Variants in LRP5 observed in about 807,000 individuals in gnomAD.
LRP5 encodes the protein low-density lipoprotein receptor-related protein 5.
A neutral mutation model predicts 154.1 loss-of-function variants in LRP5; 62 were observed. The observed-to-expected ratio is 0.40, with a 90% CI of 0.33 to 0.50. LRP5 has a LOEUF of 0.50. LRP5 is among the 20% of genes least tolerant of loss of function. LRP5 has a pLI of 0.55. For missense variants in LRP5, 1,915 were observed against 2,336.7 expected, an observed-to-expected ratio of 0.82 and a Z score of 3.72; for synonymous variants, 966 against 1,011.5, an observed-to-expected ratio of 0.96 and a Z score of 0.85.
At chr11:68,337,471 A>G (rs2098606341) in intron 1 of LRP5, among the ~76,000 whole-genome samples, 2 of 152,192 alleles carry the variant, frequency 1.3e-5, no homozygotes, top group Non-Finnish European at 1.5e-5. Context: ...TCTGGGGATC[A>G]GGCCTGGGCA....
At chr11:68,398,910 T>A (rs1197060280) in intron 7 of LRP5, among the ~76,000 whole-genome samples, 5 of 152,120 alleles carry the variant, frequency 3.3e-5, no homozygotes, top group Non-Finnish European at 7.3e-5. Context: ...AATTTTTTTT[T>A]AATTTTAGTA....
chr11:68,414,076 A>T, intron 12 of LRP5, 64 bp downstream of exon 12: 2 of 1,478,632 alleles, frequency 1.4e-6, no homozygotes, highest in South Asian at 1.2e-5. Flanking sequence ...CTGGGAGCTG[A>T]CGCTGAAAGG....
chr11:68,428,099 T>C (rs1009863000), intron 16 of LRP5, among the ~76,000 whole-genome samples: 5 of 151,734 alleles, frequency 3.3e-5, no homozygotes, highest in Admixed American at 1.3e-4. Flanking sequence ...TTCAAGTGAT[T>C]CTCCTACCTC....
At chr11:68,313,738 C>T (rs990457863) in intron 1 of LRP5, among the ~76,000 whole-genome samples, 1 of 152,260 alleles carries the variant, frequency 6.6e-6, no homozygotes, top group Non-Finnish European at 1.5e-5. Flanking sequence ...AGTGGCACGG[C>T]CGCAAGTGCC....
At chr11:68,375,026 A>C (rs1454632797) in intron 5 of LRP5, among the ~76,000 whole-genome samples, 1 of 152,188 alleles carries the variant, frequency 6.6e-6, no homozygotes, top group Admixed American at 6.5e-5. Context: ...TGCGGACCCC[A>C]GACCAGCTCC....
At chr11:68,322,358 C>T (rs2098597226) in intron 1 of LRP5, among the ~76,000 whole-genome samples, 2 of 152,252 alleles carry the variant, frequency 1.3e-5, no homozygotes, top group Admixed American at 1.3e-4. Context: ...GGTCTCCTTG[C>T]TTTCTGGAAC....
chr11:68,375,201 G>A (rs576485415), intron 5 of LRP5, among the ~76,000 whole-genome samples: 7 of 152,218 alleles, frequency 4.6e-5, no homozygotes, highest in South Asian at 4.2e-4. Flanking sequence ...TTCACTGACC[G>A]TGCCCTGTGC....
chr11:68,419,925 C>T (rs1460089470), intron 13 of LRP5, among the ~76,000 whole-genome samples: 1 of 151,984 alleles, frequency 6.6e-6, no homozygotes, highest in Non-Finnish European at 1.5e-5. Flanking sequence ...CAGCCTCCGC[C>T]TCCCAGGCTC....
rs1189936238 is a variant in LRP5 at position 68,437,600 on chromosome 11, T to TG, written c.4111+603dup. Among the ~76,000 whole-genome samples the TG allele has an allele frequency of 2.0e-5, 3 of 152,356 alleles. 1 individual carries two copies. The highest frequency in any genetic ancestry group is 4.4e-5 in the Non-Finnish European group (3 of 68,026). Reference sequence around the variant, plus strand: ...CAATGAGTCATTGTGTCTGGGGACATGGCCACTCCTTCGCTGCAGAGGGAC... The same window carrying TG: ...CAATGAGTCATTGTGTCTGGGGACATGGGCCACTCCTTCGCTGCAGAGGGAC... On this transcript the variant is annotated intron_variant, in intron 19 of 22. Transcript: ENST00000294304.
Position 68,365,555 on chromosome 11 carries a change from G to A in LRP5, c.884-16G>A. On this transcript the variant is annotated splice_polypyrimidine_tract_variant and intron_variant, in intron 4 of 22. Transcript: ENST00000294304. ...CTCTTCTGGAACCTTCTCTCACTCT[G>A]TCCTGGTTTTCTCAGTCCACACTCG... is the stretch of plus-strand genomic sequence containing the variant. 1 of 1,613,810 alleles carries A rather than the reference G, an allele frequency of 6.2e-7. No individual in the cohort carries two copies. Among genetic ancestry groups the A allele is most frequent in the Admixed American group, 1.7e-5 (1 of 60,010 alleles).
chr11:68,345,104 C>T (rs949745204), intron 1 of LRP5, among the ~76,000 whole-genome samples: 4 of 151,640 alleles, frequency 2.6e-5, no homozygotes, highest in African/African-American at 9.7e-5. Context: ...TTCAGGTGAT[C>T]CACCCGCCTC....
chr11:68,372,760 T>C (rs1440399164), intron 5 of LRP5, among the ~76,000 whole-genome samples: 1 of 151,854 alleles, frequency 6.6e-6, no homozygotes, highest in Non-Finnish European at 1.5e-5. Flanking sequence ...CTTCCAAGGC[T>C]GGGTGCTGCC....
chr11:68,314,667 C>T (rs1489786766), intron 1 of LRP5, among the ~76,000 whole-genome samples: 4 of 152,370 alleles, frequency 2.6e-5, no homozygotes, highest in Admixed American at 1.3e-4. Context: ...CCTCTCTCCT[C>T]GGGGCCCAAG....
intron 16 of LRP5, among the ~76,000 whole-genome samples, chr11:68,427,961 T>C (rs1047420633): frequency 2.7e-5 from 2 of 75,396 alleles, no homozygotes; most frequent in African/African-American, 9.4e-5. Flanking sequence ...TTTTATTTTA[T>C]TTTATTTTAT....
At chr11:68,436,842 T>TG (rs761582957) in intron 18 of LRP5, 47 bp from the exon 19 acceptor site, 169 of 1,436,352 alleles carry the variant, frequency 1.2e-4, no homozygotes, top group Non-Finnish European at 1.6e-4. Flanking sequence ...CATGGTGGGC[T>TG]GGGGGGCACC....
chr11:68,412,430 C>T (rs2098660113), intron 11 of LRP5, among the ~76,000 whole-genome samples: 1 of 152,018 alleles, frequency 6.6e-6, no homozygotes, highest in South Asian at 2.1e-4. Flanking sequence ...GATTTGAGCC[C>T]AGGAGTTCAA....
chr11:68,395,958 G>A (rs1307230467), intron 7 of LRP5, among the ~76,000 whole-genome samples: 1 of 152,154 alleles, frequency 6.6e-6, no homozygotes, highest in Non-Finnish European at 1.5e-5. Context: ...TTGTTCAGGG[G>A]TGGATGCGCC....
At chr11:68,306,291 A>G in the LRP5 span, among the ~76,000 whole-genome samples, 1 of 152,160 alleles carries the variant, frequency 6.6e-6, no homozygotes, top group African/African-American at 2.4e-5. Context: ...ACCCGCCACC[A>G]TGCCTTGCTA....
At chr11:68,366,114 C>T (rs1159410648) in intron 5 of LRP5, among the ~76,000 whole-genome samples, 4 of 152,070 alleles carry the variant, frequency 2.6e-5, no homozygotes, top group East Asian at 1.9e-4. Context: ...AGCTCGCCTT[C>T]GGGGATGCTC....
Sources: allele counts gnomAD v4.1 joint callset (sites outside exome capture counted in the v4.1 genomes callset), GRCh38; gene constraint gnomAD v4.1.1; transcripts MANE v1.5; gene names NCBI Gene and HGNC (gene_info 2026-07-23, HGNC 2026-07-21).